The following ROBO2 variants were observed in gnomAD, a reference collection of about 807,000 sequenced individuals.
The protein encoded by ROBO2 is roundabout homolog 2.
ROBO2 carries 53 observed loss-of-function variants against 160.8 expected under a neutral mutation model. The ratio of observed to expected loss-of-function variants is 0.33; its 90% CI spans 0.26 to 0.41. ROBO2 has a LOEUF of 0.41. Among genes scored for constraint, ROBO2 ranks in the 10% least tolerant of loss-of-function variants. The pLI is 1.00. For missense variants in ROBO2, 1,577 were observed against 1,722.4 expected, an observed-to-expected ratio of 0.92 and a Z score of 1.49; for synonymous variants, 664 against 611.7, an observed-to-expected ratio of 1.09 and a Z score of -1.26.
At chr3:77,085,454 T>G (rs1273244006) in intron 1 of ROBO2, among the ~76,000 whole-genome samples, 1 of 152,222 alleles carries the variant, frequency 6.6e-6, no homozygotes, top group East Asian at 1.9e-4. Context: ...GAGTAAACAC[T>G]TAACAATTTA....
At chr3:76,525,471 C>A (rs560154537) in intron 2 of ROBO2, among the ~76,000 whole-genome samples, 19 of 151,980 alleles carry the variant, frequency 1.3e-4, no homozygotes, top group African/African-American at 4.6e-4. Context: ...AGAACGTAAG[C>A]ATTGTTTCAA....
intron 2 of ROBO2, among the ~76,000 whole-genome samples, chr3:76,614,400 G>A (rs13083734): frequency 0.86 from 130,990 of 152,032 alleles, 58,262 homozygotes; most frequent in East Asian, 0.98. Context: ...TAACGAGAGA[G>A]CTTGTTAGTA....
intron 2 of ROBO2, among the ~76,000 whole-genome samples, chr3:77,178,480 A>G (rs2080372847): frequency 6.6e-6 from 1 of 152,092 alleles, no homozygotes; most frequent in African/African-American, 2.4e-5. Flanking sequence ...CTTGCTCATC[A>G]AAAAATATAT....
At chr3:76,489,545 T>C (rs2079698296) in intron 2 of ROBO2, among the ~76,000 whole-genome samples, 1 of 152,174 alleles carries the variant, frequency 6.6e-6, no homozygotes, top group Non-Finnish European at 1.5e-5. Flanking sequence ...AGTAAGTAAG[T>C]AGTAAGAAGT....
At chr3:77,259,704 G>A (rs1477058144) in intron 2 of ROBO2, among the ~76,000 whole-genome samples, 4 of 152,182 alleles carry the variant, frequency 2.6e-5, no homozygotes, top group Admixed American at 1.3e-4. Context: ...ATAAAAAGGA[G>A]TAAGAGGTAT....
At chr3:76,261,116 G>A (rs905444547) in intron 2 of ROBO2, among the ~76,000 whole-genome samples, 1 of 151,398 alleles carries the variant, frequency 6.6e-6, no homozygotes, top group Non-Finnish European at 1.5e-5. Flanking sequence ...AACTACAAGG[G>A]GAGTTTCAAC....
chr3:76,490,093 T>G (rs2107507077), intron 2 of ROBO2, among the ~76,000 whole-genome samples: 1 of 152,022 alleles, frequency 6.6e-6, no homozygotes, highest in Middle Eastern at 3.4e-3. Flanking sequence ...TGTCCACCCT[T>G]TTTGGTATGG....
intron 2 of ROBO2, among the ~76,000 whole-genome samples, chr3:77,002,691 T>C (rs2061392199): frequency 6.6e-6 from 1 of 152,138 alleles, no homozygotes; most frequent in South Asian, 2.1e-4. Flanking sequence ...ATTTTAGTCT[T>C]CAATGATATC....
intron 2 of ROBO2, among the ~76,000 whole-genome samples, chr3:77,247,912 C>T (rs943650643): frequency 1.3e-5 from 2 of 152,184 alleles, no homozygotes; most frequent in African/African-American, 4.8e-5. Flanking sequence ...GGGCCCCACC[C>T]TCAAGCTGAA....
At chr3:77,096,794 A>G (rs1234304097) in intron 1 of ROBO2, among the ~76,000 whole-genome samples, 2 of 152,100 alleles carry the variant, frequency 1.3e-5, no homozygotes, top group Middle Eastern at 3.4e-3. Context: ...CTTTTATTGC[A>G]TTCACAGGGA....
chr3:77,293,063 G>C (rs1252667680), intron 2 of ROBO2, among the ~76,000 whole-genome samples: 2 of 150,690 alleles, frequency 1.3e-5, no homozygotes, highest in African/African-American at 2.4e-5. Context: ...GTAAGCTGAG[G>C]CTAGAGCACT....
chr3:77,412,178 C>G (rs1258034634), intron 2 of ROBO2, among the ~76,000 whole-genome samples: 1 of 152,174 alleles, frequency 6.6e-6, no homozygotes, highest in African/African-American at 2.4e-5. Context: ...AAAGTGAGGA[C>G]AGCAAGCCAA....
chr3:77,305,544 T>G (rs1312454802), intron 2 of ROBO2, among the ~76,000 whole-genome samples: 1 of 152,206 alleles, frequency 6.6e-6, no homozygotes, highest in Non-Finnish European at 1.5e-5. Flanking sequence ...GTTCCCCCTT[T>G]ATCTGAGACT....
chr3:76,941,095 C>G (rs900010885), intron 2 of ROBO2, among the ~76,000 whole-genome samples: 1 of 152,154 alleles, frequency 6.6e-6, no homozygotes, highest in African/African-American at 2.4e-5. Flanking sequence ...GAGTTATCTT[C>G]AAAACATCCC....
intron 2 of ROBO2, among the ~76,000 whole-genome samples, chr3:77,448,302 C>T (rs913611314): frequency 3.9e-5 from 6 of 152,078 alleles, no homozygotes; most frequent in Non-Finnish European, 8.8e-5. Context: ...CCCAGCTGCC[C>T]AGCTATATAG....
intron 5 of ROBO2, among the ~76,000 whole-genome samples, chr3:77,497,095 G>T (rs940492636): frequency 2.0e-5 from 3 of 152,044 alleles, no homozygotes; most frequent in African/African-American, 7.2e-5. Flanking sequence ...TTTTCCATGC[G>T]ACCAAGGGAC....
At chr3:77,397,583 C>T (rs2075398600) in intron 2 of ROBO2, among the ~76,000 whole-genome samples, 1 of 152,070 alleles carries the variant, frequency 6.6e-6, no homozygotes, top group Non-Finnish European at 1.5e-5. Flanking sequence ...TGATGCCCTC[C>T]TGTGTATTTA....
chr3:77,194,318 T>C (rs66780014), intron 2 of ROBO2, among the ~76,000 whole-genome samples: 29,794 of 152,130 alleles, frequency 0.2, 3,359 homozygotes, highest in Middle Eastern at 0.31. Context: ...CTGTGGTCCC[T>C]GGACCTACTG....
At chr3:77,578,816 A>T (rs1039964654) in intron 15 of ROBO2, among the ~76,000 whole-genome samples, 12 of 151,994 alleles carry the variant, frequency 7.9e-5, no homozygotes, top group African/African-American at 2.7e-4. Context: ...TTAGGAATTT[A>T]TTTTTGTACC....
Sources: allele counts gnomAD v4.1 joint callset (sites outside exome capture counted in the v4.1 genomes callset), GRCh38; gene constraint gnomAD v4.1.1; transcripts MANE v1.5; gene names NCBI Gene and HGNC (gene_info 2026-07-23, HGNC 2026-07-21).